The following SH3BGRL2 variants were observed in gnomAD, a reference collection of about 807,000 sequenced individuals.
The protein encoded by SH3BGRL2 is SH3 domain-binding glutamic acid-rich-like protein 2.
A neutral mutation model predicts 14.8 loss-of-function variants in SH3BGRL2; 21 were observed. That is an observed-to-expected ratio of 1.42 (90% CI 1.01 to 2.05). The LOEUF is 2.05. SH3BGRL2 is among the 30% of genes most tolerant of loss of function. The pLI is 0.00. For missense variants in SH3BGRL2, 147 were observed against 130.8 expected, an observed-to-expected ratio of 1.12 and a Z score of -0.61; for synonymous variants, 50 against 47.8, an observed-to-expected ratio of 1.05 and a Z score of -0.19.
chr6:79,661,973 A>T (rs1176108943), intron 1 of SH3BGRL2, among the ~76,000 whole-genome samples: 1 of 149,492 alleles, frequency 6.7e-6, no homozygotes, highest in Non-Finnish European at 1.5e-5. Flanking sequence ...TTTATTTTTT[A>T]TTTTTTTTGC....
intron 2 of SH3BGRL2, among the ~76,000 whole-genome samples, chr6:79,676,739 G>A (rs1769893456): frequency 6.6e-6 from 1 of 151,942 alleles, no homozygotes; most frequent in Non-Finnish European, 1.5e-5. Context: ...AAAAGCAGAA[G>A]TGTTCAGTGC....
At chr6:79,559,675 C>A in the SH3BGRL2 span, among the ~76,000 whole-genome samples, 4 of 152,136 alleles carry the variant, frequency 2.6e-5, no homozygotes, top group Non-Finnish European at 5.9e-5. Flanking sequence ...AAAGGCGTTA[C>A]ATCAATGACA....
chr6:79,647,408 T>C (rs988457217), intron 1 of SH3BGRL2, among the ~76,000 whole-genome samples: 1 of 152,104 alleles, frequency 6.6e-6, no homozygotes, highest in South Asian at 2.1e-4. Context: ...ATAACAGAAT[T>C]GAGTCTTTAG....
At chr6:79,647,004 C>G (rs1230789553) in intron 1 of SH3BGRL2, among the ~76,000 whole-genome samples, 2 of 152,164 alleles carry the variant, frequency 1.3e-5, no homozygotes, top group East Asian at 3.8e-4. Flanking sequence ...TGAACGTTTG[C>G]GTATAAGTTT....
intron 2 of SH3BGRL2, among the ~76,000 whole-genome samples, chr6:79,690,560 G>A (rs754885135): frequency 1.2e-4 from 18 of 152,114 alleles, no homozygotes; most frequent in Non-Finnish European, 1.5e-4. Flanking sequence ...GAATTCTGGC[G>A]TTCCAAGGGA....
At chr6:79,695,207 G>A (rs1312572189) in intron 2 of SH3BGRL2, among the ~76,000 whole-genome samples, 1 of 152,056 alleles carries the variant, frequency 6.6e-6, no homozygotes, top group African/African-American at 2.4e-5. Flanking sequence ...TGGCCAAATC[G>A]CTCTTTTCAG....
At chr6:79,662,423 A>G (rs1225871864) in intron 1 of SH3BGRL2, among the ~76,000 whole-genome samples, 2 of 152,184 alleles carry the variant, frequency 1.3e-5, no homozygotes, top group Admixed American at 6.5e-5. Flanking sequence ...TTGGCTGGAT[A>G]TGAAATTCTG....
the SH3BGRL2 span, among the ~76,000 whole-genome samples, chr6:79,605,302 A>T: frequency 6.6e-5 from 10 of 152,252 alleles, no homozygotes; most frequent in Non-Finnish European, 1.5e-4. Context: ...GTGTAGCCAC[A>T]TGAATGATGT....
At chr6:79,649,033 G>C (rs975626727) in intron 1 of SH3BGRL2, among the ~76,000 whole-genome samples, 1 of 152,132 alleles carries the variant, frequency 6.6e-6, no homozygotes, top group Admixed American at 6.6e-5. Context: ...ATTCTTCATG[G>C]CAGAGGGCCA....
At chr6:79,668,855 T>C (rs768286973) in intron 1 of SH3BGRL2, among the ~76,000 whole-genome samples, 1 of 152,188 alleles carries the variant, frequency 6.6e-6, no homozygotes, top group African/African-American at 2.4e-5. Context: ...GCAAAGTCTT[T>C]TTTCGCATCA....
chr6:79,616,352 G>A, the SH3BGRL2 span, among the ~76,000 whole-genome samples: 5 of 152,194 alleles, frequency 3.3e-5, no homozygotes, highest in African/African-American at 7.2e-5. Flanking sequence ...CCCATATGAG[G>A]TGGATGTTGA....
chr6:79,587,804 A>G, the SH3BGRL2 span, among the ~76,000 whole-genome samples: 1 of 152,264 alleles, frequency 6.6e-6, no homozygotes, highest in Non-Finnish European at 1.5e-5. Context: ...GAAGACCTAA[A>G]GAAGCAGATA....
chr6:79,644,128 C>G (rs1049632291), intron 1 of SH3BGRL2, among the ~76,000 whole-genome samples: 3 of 152,154 alleles, frequency 2.0e-5, no homozygotes, highest in Admixed American at 2.0e-4. Flanking sequence ...CGCCCTCATC[C>G]TTTACATCTT....
At chr6:79,684,026 A>G (rs904686094) in intron 2 of SH3BGRL2, among the ~76,000 whole-genome samples, 2 of 152,154 alleles carry the variant, frequency 1.3e-5, no homozygotes, top group African/African-American at 4.8e-5. Context: ...AAACAAACAA[A>G]CAAAAAAAGC....
At chr6:79,578,766 G>A in the SH3BGRL2 span, among the ~76,000 whole-genome samples, 7 of 152,204 alleles carry the variant, frequency 4.6e-5, no homozygotes, top group East Asian at 3.9e-4. Context: ...GCAGCTCCTC[G>A]CCAGCAACAG....
At chr6:79,608,963 A>G in the SH3BGRL2 span, among the ~76,000 whole-genome samples, 11,177 of 152,238 alleles carry the variant, frequency 0.073, 518 homozygotes, top group Non-Finnish European at 0.1. Flanking sequence ...GGCAAAACTA[A>G]TCCTTCCACA....
the SH3BGRL2 span, among the ~76,000 whole-genome samples, chr6:79,540,945 T>A: frequency 1.2e-3 from 188 of 152,162 alleles, no homozygotes; most frequent in Middle Eastern, 6.8e-3. Flanking sequence ...CTGTTTTGAC[T>A]GACGTGGTAG....
chr6:79,539,486 G>T, the SH3BGRL2 span, among the ~76,000 whole-genome samples: 1 of 152,152 alleles, frequency 6.6e-6, no homozygotes, highest in Non-Finnish European at 1.5e-5. Flanking sequence ...TTCTGCAATG[G>T]TCATTAAGCA....
intron 2 of SH3BGRL2, among the ~76,000 whole-genome samples, chr6:79,693,058 G>C (rs1414202424): frequency 6.6e-6 from 1 of 151,724 alleles, no homozygotes; most frequent in African/African-American, 2.4e-5. Context: ...AGTTCTCCTT[G>C]AAGAGGTCCT....
Sources: gnomAD v4.1 joint callset for allele counts (sites outside exome capture counted in the v4.1 genomes callset) on GRCh38, gnomAD v4.1.1 for gene constraint, MANE v1.5 for transcripts, NCBI Gene and HGNC (gene_info 2026-07-23, HGNC 2026-07-21) for gene names.